TCF7L1: variants seen among roughly 807,000 people sequenced by gnomAD.
TCF7L1 encodes transcription factor 7 like 1.
A neutral mutation model predicts 63.7 loss-of-function variants in TCF7L1; 18 were observed. That is an observed-to-expected ratio of 0.28 (90% CI 0.20 to 0.42). The LOEUF is 0.42. TCF7L1 is among the 10% of genes least tolerant of loss of function. The pLI is 1.00. For synonymous variants in TCF7L1, 355 were observed against 340.9 expected (o/e 1.04, Z -0.46); for missense variants, 654 against 779.3 (o/e 0.84, Z 1.91).
At chr2:85,299,246 G>T (rs1558660492) in intron 4 of TCF7L1, among the ~76,000 whole-genome samples, 1 of 152,054 alleles carries the variant, frequency 6.6e-6, no homozygotes, top group Non-Finnish European at 1.5e-5. Context: ...GTAAATAAAT[G>T]TAAATTTAAA....
At chr2:85,285,642 G>C (rs549550707) in intron 4 of TCF7L1, among the ~76,000 whole-genome samples, 45 of 152,312 alleles carry the variant, frequency 3.0e-4, no homozygotes, top group Non-Finnish European at 6.2e-4. Flanking sequence ...CGAGGCGCGG[G>C]TGCCCTCTAG....
At chr2:85,256,212 C>G (rs912683765) in intron 3 of TCF7L1, among the ~76,000 whole-genome samples, 1 of 152,204 alleles carries the variant, frequency 6.6e-6, no homozygotes, top group African/African-American at 2.4e-5. Context: ...GGCGTCCCCC[C>G]CGCCCCAACC....
intron 3 of TCF7L1, among the ~76,000 whole-genome samples, chr2:85,266,861 AGCTGTTCTGTAGCTG>A (rs1156960054): frequency 1.3e-5 from 2 of 152,236 alleles, no homozygotes; most frequent in Non-Finnish European, 2.9e-5. Context: ...GATCCATCAT[AGCTGTTCTGTAGCTG>A]GCGGCCAGGA....
At chr2:85,302,076 C>T (rs563175395) in intron 4 of TCF7L1, among the ~76,000 whole-genome samples, 15 of 152,014 alleles carry the variant, frequency 9.9e-5, no homozygotes, top group Admixed American at 9.2e-4. Context: ...TGCAGTGAGC[C>T]GAGATCATGC....
intron 3 of TCF7L1, among the ~76,000 whole-genome samples, chr2:85,263,696 G>A (rs556515634): frequency 6.6e-6 from 1 of 152,336 alleles, no homozygotes; most frequent in South Asian, 2.1e-4. Context: ...TGAGCTGCCT[G>A]TAGCACGGTG....
chr2:85,211,477 G>A lies in TCF7L1; in HGVS notation c.442-72018G>A, dbSNP rs138983417. Among the ~76,000 whole-genome samples, 671 of 152,316 alleles carry A rather than the reference G, an allele frequency of 4.4e-3. 4 individuals carry two copies. The highest frequency in any genetic ancestry group is 5.9e-3 in the Non-Finnish European group (402 of 68,016). On this transcript the variant is annotated intron_variant, in intron 3 of 11. Coordinates refer to ENST00000282111, the MANE Select transcript of TCF7L1 (RefSeq NM_031283.3). ...ATGGGAAGGGTCTCATCCAGTGCTG[G>A]CTCGTAGTGGGATCTCCATGAAGGT...
intron 4 of TCF7L1, among the ~76,000 whole-genome samples, chr2:85,289,926 A>T (rs1681652323): frequency 6.7e-6 from 1 of 149,296 alleles, no homozygotes; most frequent in South Asian, 2.1e-4. Context: ...CGCGCACCTC[A>T]GCCTCCCAAA....
chr2:85,262,112 GT>G lies in TCF7L1; in HGVS notation c.442-21379del, dbSNP rs1374103450. On this transcript the variant is annotated intron_variant, in intron 3 of 11. Coordinates refer to ENST00000282111, the MANE Select transcript of TCF7L1 (RefSeq NM_031283.3). ...CCGACCCAGTTGTTTTCTTGACTTT[GT>G]TTTAGAATGAATCTCTTCCGCATCA... The G allele has an allele frequency of 5.5e-6, 3 of 543,262 alleles. No individual in the cohort carries two copies. In the East Asian group the frequency reaches 1.5e-4, roughly 28 times the overall value. 33.7% of individuals were successfully genotyped at this position (543,262 alleles called of 1,614,324 possible). A position where few individuals can be genotyped will look rare whatever the true frequency, so the allele number is the denominator to read the frequency against.
chr2:85,216,598 G>A (rs114863265), intron 3 of TCF7L1, among the ~76,000 whole-genome samples: 4 of 152,064 alleles, frequency 2.6e-5, no homozygotes, highest in African/African-American at 7.2e-5. Context: ...TCTAGAAGGC[G>A]TATGTTGGGA....
rs535223210 is a variant in TCF7L1 at position 85,267,125 on chromosome 2, G to A, written c.442-16370G>A. 6.1e-4 allele frequency among the ~76,000 whole-genome samples: 93 copies of A among 152,266 alleles called. 2 individuals are homozygous for A. The South Asian group carries it at 0.019, about 31-fold the overall frequency. Reference sequence around the variant, plus strand: ...GGAGGCCGAGGCGGGCGGATCACTTGAGGTCAGGAGTTCAAGACCAGCCTG... The same window carrying A: ...GGAGGCCGAGGCGGGCGGATCACTTAAGGTCAGGAGTTCAAGACCAGCCTG... On this transcript the variant is annotated intron_variant, in intron 3 of 11. Transcript: ENST00000282111.
chr2:85,191,651 T>C lies in TCF7L1; in HGVS notation c.441+57201T>C, dbSNP rs565322852. Among the ~76,000 whole-genome samples, 44 of 152,028 alleles carry C rather than the reference T, an allele frequency of 2.9e-4. No individual in the cohort carries two copies. In the East Asian group the frequency reaches 5.4e-3, roughly 19 times the overall value. On this transcript the variant is annotated intron_variant, in intron 3 of 11. Transcript: ENST00000282111. The stretch of plus-strand genomic sequence containing the variant: ...ACCAGCCTGATCAACGTGGTGAAAC[T>C]CTGTCTCTACTAAAAATACAAAGAT...
chr2:85,152,788 C>G (rs1439473159), intron 3 of TCF7L1, among the ~76,000 whole-genome samples: 1 of 151,928 alleles, frequency 6.6e-6, no homozygotes, highest in African/African-American at 2.4e-5. Flanking sequence ...TCATCAATCC[C>G]CCTACTTAAT....
chr2:85,181,384 A>G lies in TCF7L1; in HGVS notation c.441+46934A>G, dbSNP rs112974073. Reference sequence around the variant, plus strand: ...GCCCTGCTTTGGAGGGTAGAAGGACATATAGGAGGCTCCCAGAGGTACGGG... The same window carrying G: ...GCCCTGCTTTGGAGGGTAGAAGGACGTATAGGAGGCTCCCAGAGGTACGGG... On this transcript the variant is annotated intron_variant, in intron 3 of 11. Coordinates refer to ENST00000282111, the MANE Select transcript of TCF7L1 (RefSeq NM_031283.3). Among the ~76,000 whole-genome samples the G allele has an allele frequency of 4.5e-3, 679 of 152,334 alleles. 7 individuals carry two copies. The highest frequency in any genetic ancestry group is 0.015 in the African/African-American group (636 of 41,574).
chr2:85,157,495 C>T (rs1049516684), intron 3 of TCF7L1, among the ~76,000 whole-genome samples: 1 of 152,218 alleles, frequency 6.6e-6, no homozygotes, highest in Non-Finnish European at 1.5e-5. Context: ...GGGGCAGGGA[C>T]TGGCTTGGAA....
Position 85,134,591 on chromosome 2 carries a change from T to G in TCF7L1, c.441+141T>G. 2.3e-5 allele frequency: 26 copies of G among 1,144,548 alleles called. No individual in the cohort carries two copies. Among genetic ancestry groups the G allele is most frequent in the African/African-American group, 4.8e-5 (3 of 63,100 alleles). 70.9% of individuals were successfully genotyped at this position (1,144,548 alleles called of 1,614,324 possible). On this transcript the variant is annotated intron_variant, in intron 3 of 11. Transcript: ENST00000282111. This position sits in a 1 kb window ranked among gnomAD's most constrained non-coding sequence, Gnocchi z 5.0. ...TTGTTTGCGGAGTTGAACTACTCTC[T>G]GGCGGCCGAGCGCGAGGCTGCGCTG... is the stretch of plus-strand genomic sequence containing the variant.
intron 3 of TCF7L1, among the ~76,000 whole-genome samples, chr2:85,201,732 G>T (rs1679276992): frequency 1.3e-5 from 2 of 152,024 alleles, no homozygotes; most frequent in Non-Finnish European, 2.9e-5. Flanking sequence ...AGTGTATGAG[G>T]GTTCCGGTTT....
intron 3 of TCF7L1, chr2:85,233,017 G>A (rs1439593558): frequency 3.3e-5 from 5 of 152,070 alleles, no homozygotes; most frequent in African/African-American, 9.7e-5. Context: ...CTGCAGCCTC[G>A]ACCTCCTGGG....
At chr2:85,176,929 G>A (rs1223081522) in intron 3 of TCF7L1, among the ~76,000 whole-genome samples, 2 of 148,626 alleles carry the variant, frequency 1.3e-5, no homozygotes, top group Non-Finnish European at 3.0e-5. Context: ...GGAGGTTTCA[G>A]TGAGCCGAGA....
At chr2:85,224,636 T>C (rs1405998629) in intron 3 of TCF7L1, among the ~76,000 whole-genome samples, 1 of 151,188 alleles carries the variant, frequency 6.6e-6, no homozygotes, top group Non-Finnish European at 1.5e-5. Context: ...GGGTCATTTG[T>C]TTTTTTCTTG....
Sources: allele counts gnomAD v4.1 joint callset (sites outside exome capture counted in the v4.1 genomes callset), GRCh38; gene constraint gnomAD v4.1.1; non-coding constraint Gnocchi (gnomAD v3.1); transcripts MANE v1.5; gene names NCBI Gene and HGNC (gene_info 2026-07-23, HGNC 2026-07-21).